Variants in NCOA2 observed in about 807,000 individuals in gnomAD.
NCOA2 encodes the protein nuclear receptor coactivator 2.
NCOA2 carries 21 observed loss-of-function variants against 145.1 expected under a neutral mutation model. The observed-to-expected ratio is 0.14, with a 90% CI of 0.10 to 0.21. The LOEUF (loss-of-function observed/expected upper bound fraction) is 0.21, where lower values mean the gene tolerates loss of function less well. NCOA2 is among the 10% of genes least tolerant of loss of function. The pLI, the probability that NCOA2 is intolerant of heterozygous loss-of-function variation, is 1.00. For missense variants in NCOA2, 1,472 were observed against 1,837.6 expected (o/e 0.80, Z 3.64); for synonymous variants, 619 against 637.5 (o/e 0.97, Z 0.44).
At chr8:70,178,271 G>A (rs1815091188) in intron 4 of NCOA2, among the ~76,000 whole-genome samples, 1 of 152,220 alleles carries the variant, frequency 6.6e-6, no homozygotes, top group Non-Finnish European at 1.5e-5. Context: ...ATAATTTGGG[G>A]TAAGGGCCTA....
At chr8:70,350,471 T>C (rs562548523) in intron 1 of NCOA2, among the ~76,000 whole-genome samples, 15 of 152,332 alleles carry the variant, frequency 9.8e-5, no homozygotes, top group South Asian at 6.2e-4. Context: ...TGAAATTAAA[T>C]TGGCCCCAAC....
intron 10 of NCOA2, 92 bp downstream of exon 10, chr8:70,159,413 A>C: frequency 8.4e-7 from 1 of 1,193,122 alleles, no homozygotes; most frequent in Non-Finnish European, 1.2e-6. Context: ...GAAATGTCTA[A>C]CAAATCCTCA....
At chr8:70,290,478 G>A (rs1332298214) in intron 2 of NCOA2, among the ~76,000 whole-genome samples, 5 of 152,040 alleles carry the variant, frequency 3.3e-5, no homozygotes, top group South Asian at 2.1e-4. Context: ...GTGAGCCAAC[G>A]CGCCCGGCCT....
intron 14 of NCOA2, among the ~76,000 whole-genome samples, chr8:70,140,605 T>TTG (rs993199661): frequency 3.4e-5 from 5 of 145,428 alleles, no homozygotes; most frequent in Non-Finnish European, 6.0e-5. Context: ...TTTTTTTTTT[T>TTG]TTTTTTTTTT....
chr8:70,221,427 G>A (rs989606934), intron 2 of NCOA2, among the ~76,000 whole-genome samples: 9 of 152,224 alleles, frequency 5.9e-5, no homozygotes, highest in Middle Eastern at 3.4e-3. Flanking sequence ...TTCCAAGAGC[G>A]ATCCCTTTAT....
the NCOA2 span, among the ~76,000 whole-genome samples, chr8:70,429,221 A>C: frequency 2.6e-4 from 40 of 152,340 alleles, no homozygotes; most frequent in African/African-American, 8.7e-4. Context: ...CCTGGTAAAA[A>C]TATGTGCATG....
intron 1 of NCOA2, among the ~76,000 whole-genome samples, chr8:70,302,505 T>C (rs1352131456): frequency 1.3e-5 from 2 of 152,214 alleles, no homozygotes; most frequent in African/African-American, 4.8e-5. Context: ...AAGTCCTCTG[T>C]AAGGTCAACA....
At chr8:70,355,199 G>A (rs1431584848) in intron 1 of NCOA2, among the ~76,000 whole-genome samples, 1 of 152,186 alleles carries the variant, frequency 6.6e-6, no homozygotes, top group Non-Finnish European at 1.5e-5. Context: ...TCAGTATGAA[G>A]AACACAGAAG....
intron 6 of NCOA2, 97 bp from the exon 7 acceptor site, chr8:70,166,851 T>G: frequency 8.8e-7 from 1 of 1,133,094 alleles, no homozygotes; most frequent in Non-Finnish European, 1.3e-6. Context: ...TATGATTATT[T>G]CATCTTTATG....
intron 10 of NCOA2, among the ~76,000 whole-genome samples, chr8:70,159,222 T>TTA (rs6150644): frequency 1.6e-4 from 7 of 44,484 alleles, no homozygotes; most frequent in South Asian, 9.3e-4. Flanking sequence ...CAGTATAACA[T>TTA]TATATATATA....
At chr8:70,159,774 TAA>T (rs1812741777) in intron 9 of NCOA2, 122 bp from the exon 10 acceptor site, 1 of 833,060 alleles carries the variant, frequency 1.2e-6, no homozygotes, top group Non-Finnish European at 1.8e-6. Context: ...CACCAGCATG[TAA>T]AGAGTTATAA....
rs1554578474 is a variant in NCOA2 at position 70,159,236 on chromosome 8, A to ATGTATATATATATATATATATATATG, written c.1124+268_1124+269insCATATATATATATATATATATATACA. Reference sequence around the variant, plus strand: ...ACAGTATAACATTATATATATATATATATATATTTTTTTTTTTTTCCCCCA... The same window carrying ATGTATATATATATATATATATATATG: ...ACAGTATAACATTATATATATATATATGTATATATATATATATATATATATGTATATATTTTTTTTTTTTTCCCCCA... On this transcript the variant is annotated intron_variant, in intron 10 of 22. Transcript: ENST00000452400. 1.0e-3 allele frequency among the ~76,000 whole-genome samples: 16 copies of ATGTATATATATATATATATATATATG among 16,046 alleles called. 3 individuals carry two copies. Among genetic ancestry groups the ATGTATATATATATATATATATATATG allele is most frequent in the Non-Finnish European group, 3.4e-3 (15 of 4,472 alleles). The allele number at this position is 16,046 out of a possible 152,430, so 10.5% of individuals were successfully genotyped here.
chr8:70,166,673 G>C lies in NCOA2; in HGVS notation c.623C>G (p.Pro208Arg). The C allele has an allele frequency of 6.2e-7, 1 of 1,613,914 alleles. No individual in the cohort carries two copies. Among genetic ancestry groups the C allele is most frequent in the Non-Finnish European group, 8.5e-7 (1 of 1,179,878 alleles). ...ATCATGACCCTCCTCTTCTGAATCA[G>C]GTAAAGGTTTTACCAGCATCCGACA... ...FNCRMLVKPL[P>R]DSEEEGHDNQ... Residue 208 changes from proline (P) to arginine (R), a missense_variant, in exon 7 of 23, where the codon CCT becomes CGT. Transcript: ENST00000452400.
At chr8:70,300,274 A>T (rs1827388017) in intron 1 of NCOA2, among the ~76,000 whole-genome samples, 1 of 152,222 alleles carries the variant, frequency 6.6e-6, no homozygotes, top group Non-Finnish European at 1.5e-5. Flanking sequence ...CCTGCTACTT[A>T]AAATGGGTGC....
chr8:70,332,427 G>A (rs1807197924), intron 1 of NCOA2, among the ~76,000 whole-genome samples: 1 of 152,006 alleles, frequency 6.6e-6, no homozygotes, highest in Non-Finnish European at 1.5e-5. Context: ...CTGACTCTAC[G>A]CTGCTCTAAA....
chr8:70,304,121 A>G (rs942412268), intron 1 of NCOA2, among the ~76,000 whole-genome samples: 1 of 152,238 alleles, frequency 6.6e-6, no homozygotes, highest in African/African-American at 2.4e-5. Context: ...AGACGAGCCT[A>G]TAAAACACTT....
chr8:70,356,558 G>A lies in NCOA2; in HGVS notation c.-77+47142C>T, dbSNP rs115911083. ...AAATACTACATATTTTAATTCTAACGGTGTGTTTAATAGTTATAAATAAAT... is the reference window on the plus strand; with the variant it reads ...AAATACTACATATTTTAATTCTAACAGTGTGTTTAATAGTTATAAATAAAT... On this transcript the variant is annotated intron_variant, in intron 1 of 22. Coordinates refer to ENST00000452400, the MANE Select transcript of NCOA2 (RefSeq NM_006540.4). Among the ~76,000 whole-genome samples, 1,473 of 152,122 alleles carry A rather than the reference G, an allele frequency of 9.7e-3. 27 individuals carry two copies. The highest frequency in any genetic ancestry group is 0.033 in the African/African-American group (1,374 of 41,492).
chr8:70,280,523 C>T (rs529834670), intron 2 of NCOA2, among the ~76,000 whole-genome samples: 1 of 152,254 alleles, frequency 6.6e-6, no homozygotes. Flanking sequence ...GACCCATACA[C>T]AATATACCAA....
chr8:70,400,387 GT>G lies in NCOA2; in HGVS notation c.-77+3312del, dbSNP rs369648506. On this transcript the variant is annotated intron_variant, in intron 1 of 22. Transcript: ENST00000452400. ...CTAGATGTCTCCATATGCTTGAGAGGTTTTTTTCCCCCCAAGCCAGCCATTA... is the reference window on the plus strand; with the variant it reads ...CTAGATGTCTCCATATGCTTGAGAGGTTTTTTCCCCCCAAGCCAGCCATTA... 1.8e-3 allele frequency among the ~76,000 whole-genome samples: 272 copies of G among 152,090 alleles called. 3 individuals carry two copies. Among genetic ancestry groups the G allele is most frequent in the South Asian group, 0.013 (61 of 4,796 alleles).
Sources: allele counts gnomAD v4.1 joint callset (sites outside exome capture counted in the v4.1 genomes callset), GRCh38; gene constraint gnomAD v4.1.1; transcripts MANE v1.5; gene names NCBI Gene and HGNC (gene_info 2026-07-23, HGNC 2026-07-21).